Variants in NAALADL2 observed in about 807,000 individuals in gnomAD.
The protein encoded by NAALADL2 is inactive N-acetylated-alpha-linked acidic dipeptidase-like protein 2.
In NAALADL2, 76 loss-of-function variants were observed where a neutral mutation model predicts 87.2. The ratio of observed to expected loss-of-function variants is 0.87; its 90% CI spans 0.72 to 1.05. The LOEUF is 1.05. Ranked by LOEUF, NAALADL2 falls within the 50% of genes least tolerant of loss-of-function variation. NAALADL2 has a pLI of 0.00. For missense variants in NAALADL2, 1,089 were observed against 945.8 expected, an observed-to-expected ratio of 1.15 and a Z score of -1.99; for synonymous variants, 354 against 331.0, an observed-to-expected ratio of 1.07 and a Z score of -0.75.
At chr3:175,670,055 C>T (rs1434887074) in intron 11 of NAALADL2, among the ~76,000 whole-genome samples, 1 of 151,982 alleles carries the variant, frequency 6.6e-6, no homozygotes, top group Non-Finnish European at 1.5e-5. Context: ...ATTCACTTTA[C>T]ATCAATTTAT....
chr3:174,875,021 G>A (rs2109648126), intron 1 of NAALADL2, among the ~76,000 whole-genome samples: 1 of 150,096 alleles, frequency 6.7e-6, no homozygotes, highest in South Asian at 2.1e-4. Flanking sequence ...GCTGAGGTGG[G>A]AGGATTGTTT....
intron 3 of NAALADL2, among the ~76,000 whole-genome samples, chr3:174,777,725 C>T (rs1432872567): frequency 6.6e-6 from 1 of 152,024 alleles, no homozygotes; most frequent in African/African-American, 2.4e-5. Flanking sequence ...AAAAATATAG[C>T]CAACAGATAT....
chr3:174,586,115 ACTT>A (rs1716691227), intron 2 of NAALADL2, among the ~76,000 whole-genome samples: 1 of 152,190 alleles, frequency 6.6e-6, no homozygotes, highest in Non-Finnish European at 1.5e-5. Flanking sequence ...GGATAAAATC[ACTT>A]CAGGCAACTT....
intron 11 of NAALADL2, among the ~76,000 whole-genome samples, chr3:175,725,960 A>G (rs1446202467): frequency 2.6e-5 from 4 of 152,156 alleles, no homozygotes; most frequent in Non-Finnish European, 5.9e-5. Flanking sequence ...GTCAATCAGC[A>G]CATGCAGATT....
At chr3:174,846,500 A>G (rs976914943) in intron 3 of NAALADL2, among the ~76,000 whole-genome samples, 8 of 152,324 alleles carry the variant, frequency 5.3e-5, no homozygotes, top group African/African-American at 1.9e-4. Context: ...TATGCCACAT[A>G]ATAAAAAAGT....
chr3:174,491,268 A>G (rs79462777), intron 1 of NAALADL2, among the ~76,000 whole-genome samples: 2 of 152,244 alleles, frequency 1.3e-5, no homozygotes, highest in Non-Finnish European at 2.9e-5. Context: ...ACTGCAGGCC[A>G]TGATTATATA....
intron 5 of NAALADL2, among the ~76,000 whole-genome samples, chr3:175,438,293 A>G (rs1208988108): frequency 1.3e-5 from 2 of 152,156 alleles, no homozygotes; most frequent in Non-Finnish European, 2.9e-5. Context: ...AGATACTGAA[A>G]TAATAAAGGA....
At chr3:175,129,117 T>A (rs1229413679) in intron 2 of NAALADL2, among the ~76,000 whole-genome samples, 1 of 142,060 alleles carries the variant, frequency 7.0e-6, no homozygotes, top group African/African-American at 2.6e-5. Flanking sequence ...TTTTTTTTTT[T>A]TATAATTTTA....
rs978794881 is a variant in NAALADL2, at chr3:174,698,631, G to A, written c.-114-39010G>A. On this transcript the variant is annotated intron_variant, in intron 2 of 3. Coordinates refer to the NAALADL2 transcript ENST00000434257. ...TGTAATCCCAGCACTTTGGGAGGCC[G>A]AGGCGGGCAGATCACGAGGTCAGGA... is the stretch of plus-strand genomic sequence containing the variant. Among the ~76,000 whole-genome samples, 10 of 95,984 alleles carry A rather than the reference G, an allele frequency of 1.0e-4. 1 individual carries two copies. Among genetic ancestry groups the A allele is most frequent in the Middle Eastern group, 4.5e-3 (1 of 220 alleles). The allele number at this position is 95,984 out of a possible 152,430, so 63.0% of individuals were successfully genotyped here.
intron 8 of NAALADL2, among the ~76,000 whole-genome samples, chr3:175,469,645 C>T (rs9830544): frequency 0.76 from 115,014 of 151,940 alleles, 44,056 homozygotes; most frequent in African/African-American, 0.86. Context: ...GTGAAGAATC[C>T]TCGTTTGTCA....
At chr3:175,652,346 A>G (rs554733277) in intron 11 of NAALADL2, among the ~76,000 whole-genome samples, 1 of 152,218 alleles carries the variant, frequency 6.6e-6, no homozygotes, top group South Asian at 2.1e-4. Flanking sequence ...AAGGAGGGAG[A>G]ATTTTAAAGA....
chr3:175,453,398 A>T (rs557469943), intron 6 of NAALADL2, among the ~76,000 whole-genome samples: 1 of 152,114 alleles, frequency 6.6e-6, no homozygotes, highest in Non-Finnish European at 1.5e-5. Context: ...GTTCAGTATT[A>T]TCCAAATATG....
At chr3:174,694,668 G>T (rs1728865520) in intron 2 of NAALADL2, among the ~76,000 whole-genome samples, 1 of 151,988 alleles carries the variant, frequency 6.6e-6, no homozygotes, top group Non-Finnish European at 1.5e-5. Flanking sequence ...TTGGAAAGTA[G>T]ACTTCTTTGA....
intron 10 of NAALADL2, among the ~76,000 whole-genome samples, chr3:175,591,581 A>G (rs1196784225): frequency 1.3e-5 from 2 of 152,126 alleles, no homozygotes; most frequent in African/African-American, 4.8e-5. Context: ...CAAAGGATTT[A>G]TAATCTCTTT....
chr3:175,327,160 T>C (rs1434575924), intron 5 of NAALADL2, among the ~76,000 whole-genome samples: 2 of 144,880 alleles, frequency 1.4e-5, no homozygotes, highest in Non-Finnish European at 3.0e-5. Context: ...TTTTTTTTTT[T>C]TTTTTTTTTT....
At chr3:175,798,083 G>A (rs990985845) in intron 13 of NAALADL2, among the ~76,000 whole-genome samples, 2 of 151,884 alleles carry the variant, frequency 1.3e-5, no homozygotes, top group Admixed American at 1.3e-4. Context: ...AAGCTAAGTG[G>A]TTTTCAGCAC....
chr3:174,628,263 G>A (rs1357966365), intron 2 of NAALADL2, among the ~76,000 whole-genome samples: 1 of 151,994 alleles, frequency 6.6e-6, no homozygotes, highest in Non-Finnish European at 1.5e-5. Context: ...GAATCATGAG[G>A]TCAGGAGTTT....
At position 175,186,224 on chromosome 3, in the gene NAALADL2, T is replaced by C. The variant is rs138977099; in HGVS notation, c.546-47707T>C. Among the ~76,000 whole-genome samples the C allele has an allele frequency of 2.1e-3, 327 of 152,204 alleles. 4 individuals carry two copies. The highest frequency in any genetic ancestry group is 6.8e-3 in the South Asian group (33 of 4,824). ...CCTTATTTGTAGTGTCAGTCTTCAT[T>C]ATACAATAATCTTACATATTACCCC... On this transcript the variant is annotated intron_variant, in intron 2 of 13. Coordinates refer to ENST00000454872, the MANE Select transcript of NAALADL2 (RefSeq NM_207015.3).
chr3:175,073,970 C>G (rs1032290498), intron 1 of NAALADL2, among the ~76,000 whole-genome samples: 7 of 152,020 alleles, frequency 4.6e-5, no homozygotes, highest in African/African-American at 1.7e-4. Context: ...CATGCACCAT[C>G]TCACACACTG....
Sources: allele counts gnomAD v4.1 joint callset (sites outside exome capture counted in the v4.1 genomes callset), GRCh38; gene constraint gnomAD v4.1.1; transcripts MANE v1.5; gene names NCBI Gene and HGNC (gene_info 2026-07-23, HGNC 2026-07-21).